Variants in PPIF observed in about 807,000 individuals in gnomAD.
PPIF encodes peptidylprolyl isomerase F, also known as peptidyl-prolyl cis-trans isomerase F, mitochondrial.
PPIF carries 23 observed loss-of-function variants against 20.2 expected under a neutral mutation model. The ratio of observed to expected loss-of-function variants is 1.14; its 90% confidence interval spans 0.82 to 1.61. The LOEUF (loss-of-function observed/expected upper bound fraction) is 1.61, where lower values mean the gene tolerates loss of function less well. Ranked by LOEUF, PPIF falls within the 40% of genes most tolerant of loss-of-function variation. The pLI is 0.00. For synonymous variants in PPIF, 113 were observed against 123.1 expected, an observed-to-expected ratio of 0.92 and a Z score of 0.54; for missense variants, 287 against 291.6, an observed-to-expected ratio of 0.98 and a Z score of 0.11.
chr10:79,350,247 C>T (rs975725544), intron 3 of PPIF, among the ~76,000 whole-genome samples: 8 of 152,210 alleles, frequency 5.3e-5, no homozygotes, highest in African/African-American at 1.2e-4. Context: ...GAATGTTTTT[C>T]GGTCATGTGT....
intron 2 of PPIF, 108 bp downstream of exon 2, chr10:79,349,214 G>A: frequency 6.2e-7 from 1 of 1,603,726 alleles, no homozygotes. Context: ...ACCCCTGACA[G>A]ATGGGAGCTC....
chr10:79,350,506 TG>T (rs1855965876), intron 3 of PPIF, among the ~76,000 whole-genome samples: 1 of 152,178 alleles, frequency 6.6e-6, no homozygotes. Flanking sequence ...CCTGACCCAG[TG>T]GCCGTCATCG....
chr10:79,352,844 A>G (rs984013930), intron 5 of PPIF, among the ~76,000 whole-genome samples: 1 of 152,238 alleles, frequency 6.6e-6, no homozygotes, highest in South Asian at 2.1e-4. Context: ...CAAATTTCCA[A>G]ATGAAGCCTC....
intron 5 of PPIF, 79 bp downstream of exon 5, chr10:79,352,471 G>A (rs1855996751): frequency 7.5e-6 from 11 of 1,457,172 alleles, no homozygotes; most frequent in Non-Finnish European, 1.1e-5. Flanking sequence ...TTTAGGGGCA[G>A]GCAGTTTACA....
chr10:79,349,946 T>A, intron 3 of PPIF, 193 bp downstream of exon 3: 1 of 1,281,288 alleles, frequency 7.8e-7, no homozygotes, highest in Non-Finnish European at 1.0e-6. Context: ...CCGCTGCCAC[T>A]CCAGGTCAGT....
rs754692646 is a variant in PPIF, at chr10:79,352,309, T to A, written c.413-8T>A. ...GGCAGCGTGGCTCAGCCCTGCTGGT[T>A]TTTGCAGGTGTCCTGTCCATGGCTA... On this transcript the variant is annotated splice_region_variant and splice_polypyrimidine_tract_variant and intron_variant, in intron 4 of 5. Transcript: ENST00000225174. 5.0e-6 allele frequency: 8 copies of A among 1,613,890 alleles called. No individual in the cohort carries two copies. The South Asian group carries it at 6.6e-5, about 13-fold the overall frequency.
chr10:79,351,685 C>T lies in PPIF; in HGVS notation c.412+102C>T, dbSNP rs975265431. On this transcript the variant is annotated intron_variant, in intron 4 of 5. Transcript: ENST00000225174. ...GCCACATGCAGTCACCGTCCAGTAT[C>T]TGATGAGTCTCCTTCCTCCCTGCGA... The T allele has an allele frequency of 6.8e-6, 7 of 1,024,822 alleles. No homozygotes were observed. The African/African-American group carries it at 9.6e-5, about 14-fold the overall frequency. The allele number at this position is 1,024,822 out of a possible 1,614,324, so 63.5% of individuals were successfully genotyped here. A position where few individuals can be genotyped will look rare whatever the true frequency, so the allele number is the denominator to read the frequency against.
chr10:79,347,556 C>A lies in PPIF; in HGVS notation c.8C>A (p.Ala3Glu). 2.3e-6 allele frequency: 3 copies of A among 1,328,338 alleles called. No homozygotes were observed. The highest frequency in any genetic ancestry group is 2.0e-5 in the South Asian group (1 of 48,866). 82.3% of individuals were successfully genotyped at this position (1,328,338 alleles called of 1,614,324 possible). ML[A>E]LRCGSRWLGL... ...GCCCGACCCGCGCCCGCGATGCTGGCGCTGCGCTGCGGCTCCCGCTGGCTC... is the reference window on the plus strand; with the variant it reads ...GCCCGACCCGCGCCCGCGATGCTGGAGCTGCGCTGCGGCTCCCGCTGGCTC... The change falls in exon 1 of 6, where the codon GCG (alanine) becomes GAG (glutamate). Residue 3 changes from alanine (A) to glutamate (E), a missense_variant. Physicochemically the swap from Ala to Glu is moderately radical, Grantham distance 107. Coordinates refer to ENST00000225174, the MANE Select transcript of PPIF (RefSeq NM_005729.4).
chr10:79,351,682 T>C lies in PPIF; in HGVS notation c.412+99T>C, dbSNP rs962634092. 3.7e-6 allele frequency: 4 copies of C among 1,074,480 alleles called. No homozygotes were observed. In the African/African-American group the frequency reaches 4.7e-5, roughly 13 times the overall value. 66.6% of individuals were successfully genotyped at this position (1,074,480 alleles called of 1,614,324 possible). ...GAGGCCACATGCAGTCACCGTCCAG[T>C]ATCTGATGAGTCTCCTTCCTCCCTG... is the stretch of plus-strand genomic sequence containing the variant. On this transcript the variant is annotated intron_variant, in intron 4 of 5. Transcript: ENST00000225174.
chr10:79,349,140 C>A, intron 2 of PPIF, 34 bp downstream of exon 2: 1 of 1,613,778 alleles, frequency 6.2e-7, no homozygotes, highest in South Asian at 1.1e-5. Context: ...TGAGATGGGT[C>A]TAGAGGGAAG....
rs1284945916 is a variant in PPIF, at chr10:79,354,009, C to G, written c.*167C>G. The G allele has an allele frequency of 1.4e-6, 1 of 724,944 alleles. No homozygotes were observed. 44.9% of individuals were successfully genotyped at this position (724,944 alleles called of 1,614,324 possible). A position where few individuals can be genotyped will look rare whatever the true frequency, so the allele number is the denominator to read the frequency against. On this transcript the variant is annotated 3_prime_UTR_variant, in exon 6 of 6. Transcript: ENST00000225174. ...ATGTTAGACCTCGGCCAGGACCCAC[C>G]ACATTGCTTCCTAATACCCACCCTT...
intron 1 of PPIF, among the ~76,000 whole-genome samples, chr10:79,348,028 A>G (rs1855923538): frequency 6.6e-6 from 1 of 151,958 alleles, no homozygotes; most frequent in Non-Finnish European, 1.5e-5. Context: ...CGGCCCGGGC[A>G]CGAGGGAGGG....
At chr10:79,349,802 T>C (rs1437956489) in intron 3 of PPIF, 49 bp downstream of exon 3, 2 of 1,611,440 alleles carry the variant, frequency 1.2e-6, no homozygotes, top group East Asian at 4.5e-5. Flanking sequence ...AGGAGCTGCC[T>C]TGTGGGTGTG....
chr10:79,351,651 C>A, intron 4 of PPIF, 68 bp downstream of exon 4: 1 of 1,425,642 alleles, frequency 7.0e-7, no homozygotes, highest in South Asian at 1.2e-5. Flanking sequence ...CCCCAGCAGG[C>A]CCTGAGAGGC....
chr10:79,347,853 G>T, intron 1 of PPIF, 110 bp downstream of exon 1: 1 of 1,226,082 alleles, frequency 8.2e-7, no homozygotes, highest in Non-Finnish European at 1.0e-6. Flanking sequence ...GCCTCCCCAT[G>T]CCGAGCTCTG....
In PPIF at chr10:79,351,543, C is replaced by T. The variant is rs1166984070; in HGVS notation, c.372C>T (p.Arg124=). The T allele has an allele frequency of 6.2e-7, 1 of 1,614,158 alleles. No homozygotes were observed. The highest frequency in any genetic ancestry group is 1.1e-5 in the South Asian group (1 of 91,082). The change falls in exon 4 of 6, where the codon CGC becomes CGT. Residue 124 remains arginine, a synonymous_variant. Coordinates refer to ENST00000225174, the MANE Select transcript of PPIF (RefSeq NM_005729.4). ...GTGGKSIYGS[R]FPDENFTLKH... is the part of the protein sequence containing the mutation. ...GCGGGAAGTCCATCTACGGAAGCCG[C>T]TTTCCTGACGAGAACTTTACACTGA...
intron 5 of PPIF, among the ~76,000 whole-genome samples, chr10:79,353,267 C>T (rs1856005488): frequency 6.6e-6 from 1 of 152,270 alleles, no homozygotes; most frequent in Admixed American, 6.5e-5. Context: ...ATTGGACTCT[C>T]TCGGGTTGAG....
At chr10:79,352,669 G>T (rs764941677) in intron 5 of PPIF, among the ~76,000 whole-genome samples, 11 of 152,162 alleles carry the variant, frequency 7.2e-5, no homozygotes, top group Non-Finnish European at 1.3e-4. Flanking sequence ...CACACGAAAG[G>T]GTTTCTCTAC....
intron 4 of PPIF, 75 bp from the exon 5 acceptor site, chr10:79,352,242 C>G: frequency 5.2e-6 from 7 of 1,354,892 alleles, no homozygotes; most frequent in African/African-American, 1.4e-5. Context: ...TGGTTTGCAC[C>G]GTCTGCCCTT....
Sources: gnomAD v4.1 joint callset for allele counts (sites outside exome capture counted in the v4.1 genomes callset) on GRCh38, gnomAD v4.1.1 for gene constraint, MANE v1.5 for transcripts, NCBI Gene and HGNC (gene_info 2026-07-23, HGNC 2026-07-21) for gene names.